Variants in PCNX2 observed in about 807,000 individuals in gnomAD.
PCNX2 encodes the protein pecanex 2.
PCNX2 carries 168 observed loss-of-function variants against 223.8 expected under a neutral mutation model. That is an observed-to-expected ratio of 0.75 (90% CI 0.66 to 0.85). The LOEUF (loss-of-function observed/expected upper bound fraction) is 0.85. PCNX2 is among the 40% of genes least tolerant of loss of function. PCNX2 has a pLI of 0.00. For missense variants in PCNX2, 2,507 were observed against 2,675.5 expected (o/e 0.94, Z 1.39); for synonymous variants, 1,006 against 1,052.6 (o/e 0.96, Z 0.86).
At chr1:233,247,193 C>A (rs1361464558) in intron 8 of PCNX2, among the ~76,000 whole-genome samples, 1 of 152,198 alleles carries the variant, frequency 6.6e-6, no homozygotes, top group Non-Finnish European at 1.5e-5. Context: ...TTTTCCAGAG[C>A]TGCCTAGGGA....
At position 233,253,545 on chromosome 1, in the gene PCNX2, T is replaced by C. The variant is rs138597700; in HGVS notation, c.1835-757A>G. On this transcript the variant is annotated intron_variant, in intron 5 of 33. Transcript: ENST00000258229. The surrounding 1 kb of genome is among the most constrained non-coding windows in gnomAD (Gnocchi z 4.2). ...ATTTTATGTAGGTATAGGGGCACGC[T>C]ATGTTGTTCAGGCTGGTCTTGAACT... Among the ~76,000 whole-genome samples the C allele has an allele frequency of 6.6e-6, 1 of 152,266 alleles. No individual in the cohort carries two copies. The highest frequency in any genetic ancestry group is 1.9e-4 in the East Asian group (1 of 5,166).
At chr1:233,064,024 T>G (rs1049825228) in intron 23 of PCNX2, among the ~76,000 whole-genome samples, 1 of 152,138 alleles carries the variant, frequency 6.6e-6, no homozygotes, top group Non-Finnish European at 1.5e-5. Context: ...TTTCTTCTTA[T>G]ACAACTTTTT....
At chr1:233,151,066 C>G (rs919671620) in intron 19 of PCNX2, among the ~76,000 whole-genome samples, 1 of 152,064 alleles carries the variant, frequency 6.6e-6, no homozygotes, top group Non-Finnish European at 1.5e-5. Context: ...GCAAGGACAA[C>G]GTGCTTACTT....
At chr1:233,233,232 G>A (rs943353027) in intron 9 of PCNX2, among the ~76,000 whole-genome samples, 11 of 152,184 alleles carry the variant, frequency 7.2e-5, no homozygotes, top group African/African-American at 2.7e-4. Context: ...CTTAGTGACA[G>A]AGAAGTACCA....
the PCNX2 span, among the ~76,000 whole-genome samples, chr1:233,309,854 G>C: frequency 6.7e-6 from 1 of 150,172 alleles, no homozygotes; most frequent in Non-Finnish European, 1.5e-5. Context: ...CTCCAGCCTA[G>C]GCGACAGAGT....
At chr1:233,005,715 C>CG (rs892101376) in intron 28 of PCNX2, among the ~76,000 whole-genome samples, 1 of 152,128 alleles carries the variant, frequency 6.6e-6, no homozygotes, top group Admixed American at 6.5e-5. Flanking sequence ...ACAAGCCAAG[C>CG]GGGGGTGGCG....
chr1:233,014,860 G>A (rs1312375177), intron 27 of PCNX2, 83 bp from the exon 28 acceptor site: 5 of 1,122,304 alleles, frequency 4.5e-6, no homozygotes, highest in East Asian at 2.4e-5. Context: ...AGTGACATTG[G>A]CTTTGTAAGT....
rs116441874 is a variant in PCNX2 at position 233,039,599 on chromosome 1, T to G, written c.4352-14200A>C. On this transcript the variant is annotated intron_variant, in intron 25 of 33. Coordinates refer to ENST00000258229, the MANE Select transcript of PCNX2 (RefSeq NM_014801.4). ...AGTCAATGCACTGGGGAGAGTTACA[T>G]GAATAAGCCATGAAGCCCCAGGCTT... Among the ~76,000 whole-genome samples, 519 of 152,294 alleles carry G rather than the reference T, an allele frequency of 3.4e-3. 6 individuals carry two copies. The highest frequency in any genetic ancestry group is 0.012 in the African/African-American group (494 of 41,558).
chr1:233,060,243 C>T (rs913013478), intron 23 of PCNX2, among the ~76,000 whole-genome samples: 4 of 152,128 alleles, frequency 2.6e-5, no homozygotes, highest in Admixed American at 2.0e-4. Flanking sequence ...AGGCTGAAGT[C>T]CCACGTCTGC....
chr1:233,181,122 TC>T (rs1205713742), intron 15 of PCNX2: 1 of 150,818 alleles, frequency 6.6e-6, no homozygotes, highest in Non-Finnish European at 1.5e-5. Context: ...AGCCCAACTC[TC>T]CCCTCACACT....
chr1:233,184,371 C>T (rs924552021), intron 15 of PCNX2, among the ~76,000 whole-genome samples: 26 of 151,644 alleles, frequency 1.7e-4, no homozygotes, highest in African/African-American at 5.1e-4. Flanking sequence ...ATGACGACAC[C>T]TTTCTTAATG....
chr1:233,258,852 C>T lies in PCNX2; in HGVS notation c.1010G>A (p.Cys337Tyr). The T allele has an allele frequency of 6.2e-7, 1 of 1,613,922 alleles. No homozygotes were observed. Among genetic ancestry groups the T allele is most frequent in the South Asian group, 1.1e-5 (1 of 91,082 alleles). The change falls in exon 5 of 34, where the codon TGC (cysteine) becomes TAC (tyrosine). Residue 337 changes from cysteine to tyrosine, a missense_variant. Coordinates refer to ENST00000258229, the MANE Select transcript of PCNX2 (RefSeq NM_014801.4). Reference protein sequence around the residue: ...ADTSCQVDTSCQGDLPLHQEV... With the variant: ...ADTSCQVDTSYQGDLPLHQEV... ...CTGGTGCAAGGGCAGGTCCCCCTGG[C>T]AGGAGGTATCTACCTGACAGGATGT...
In PCNX2 at chr1:233,016,990, C is replaced by A. The variant is rs1315942488; in HGVS notation, c.4770G>T (p.Gly1590=). 8 of 1,613,758 alleles carry A rather than the reference C, an allele frequency of 5.0e-6. No individual in the cohort carries two copies. The highest frequency in any genetic ancestry group is 6.8e-6 in the Non-Finnish European group (8 of 1,179,816). The stretch of plus-strand genomic sequence containing the variant: ...CATTGCAGAAGCTAGCTCGTGTGAT[C>A]CCCTGGAGACACGGGACGTAGTCAT... ...IDDDYVPCLQ[G]ITRASFCNVY... is the part of the protein sequence containing the mutation. The change falls in exon 27 of 34, where the codon GGG becomes GGT. Residue 1590 remains glycine (G), a synonymous_variant. Coordinates refer to ENST00000258229, the MANE Select transcript of PCNX2 (RefSeq NM_014801.4).
intron 1 of PCNX2, among the ~76,000 whole-genome samples, chr1:233,285,927 G>T (rs1452936402): frequency 6.6e-6 from 1 of 152,174 alleles, no homozygotes; most frequent in Non-Finnish European, 1.5e-5. Flanking sequence ...TCTCCAAGAT[G>T]TTCCATCAAG....
intron 13 of PCNX2, among the ~76,000 whole-genome samples, chr1:233,208,032 C>G: frequency 6.6e-6 from 1 of 151,914 alleles, no homozygotes; most frequent in East Asian, 1.9e-4. Flanking sequence ...CTTGGCTCAC[C>G]GCAACCTCTG....
Position 233,017,381 on chromosome 1 carries a change from G to T in PCNX2, c.4606-227C>A, listed in dbSNP as rs558253095. Among the ~76,000 whole-genome samples, 8 of 141,096 alleles carry T rather than the reference G, an allele frequency of 5.7e-5. No homozygotes were observed. The South Asian group carries it at 1.6e-3, about 28-fold the overall frequency. The allele number at this position is 141,096 out of a possible 152,430, so 92.6% of individuals were successfully genotyped here. ...CACCCAGGCTGGAGTGCAGCGGTGC[G>T]ATCTCGGCTCACTGCAAGCTCCGCC... is the stretch of plus-strand genomic sequence containing the variant. On this transcript the variant is annotated intron_variant, in intron 26 of 33. Transcript: ENST00000258229.
intron 13 of PCNX2, among the ~76,000 whole-genome samples, chr1:233,200,619 G>A (rs555890408): frequency 1.7e-4 from 26 of 152,120 alleles, no homozygotes; most frequent in African/African-American, 6.0e-4. Context: ...AAAGACTTCA[G>A]GGGTGGTGAG....
At chr1:232,999,792 TTTTCACAG>T (rs1670015550) in intron 30 of PCNX2, among the ~76,000 whole-genome samples, 1 of 152,210 alleles carries the variant, frequency 6.6e-6, no homozygotes, top group Non-Finnish European at 1.5e-5. Flanking sequence ...TGTAAAGCTC[TTTTCACAG>T]TTAAGCCAGA....
intron 1 of PCNX2, among the ~76,000 whole-genome samples, chr1:233,264,399 C>A (rs944079712): frequency 2.0e-5 from 3 of 152,168 alleles, no homozygotes; most frequent in African/African-American, 7.2e-5. Context: ...GCTAGGCTTG[C>A]AGACAGCAGG....
Sources: gnomAD v4.1 joint callset for allele counts (sites outside exome capture counted in the v4.1 genomes callset) on GRCh38, gnomAD v4.1.1 for gene constraint, Gnocchi (gnomAD v3.1) non-coding constraint, MANE v1.5 for transcripts, NCBI Gene and HGNC (gene_info 2026-07-23, HGNC 2026-07-21) for gene names.